The following CD86 variants were observed in gnomAD, a reference collection of about 807,000 sequenced individuals.
CD86 encodes the protein T-lymphocyte activation antigen CD86.
Under a neutral mutation model 32.1 loss-of-function variants are expected in CD86, and 11 were observed. The observed-to-expected ratio is 0.34, with a 90% CI of 0.22 to 0.57. The LOEUF (loss-of-function observed/expected upper bound fraction) is 0.57, where lower values mean the gene tolerates loss of function less well. Ranked by LOEUF, CD86 falls within the 20% of genes least tolerant of loss-of-function variation. CD86 has a pLI of 0.86. For missense variants in CD86, 359 were observed against 398.4 expected (o/e 0.90, Z 0.84); for synonymous variants, 137 against 135.3 (o/e 1.01, Z -0.09).
intron 1 of CD86, among the ~76,000 whole-genome samples, chr3:122,086,159 G>C (rs567001876): frequency 6.6e-6 from 1 of 152,234 alleles, no homozygotes; most frequent in South Asian, 2.1e-4. Flanking sequence ...TCAATCTCTA[G>C]AACAAGTCTG....
chr3:122,080,511 T>C (rs2072618536), intron 1 of CD86, among the ~76,000 whole-genome samples: 2 of 152,148 alleles, frequency 1.3e-5, no homozygotes, highest in South Asian at 4.1e-4. Context: ...TTCAGTTGCC[T>C]ACAATATTGG....
chr3:122,060,656 C>T (rs1485589845), intron 1 of CD86, among the ~76,000 whole-genome samples: 1 of 152,140 alleles, frequency 6.6e-6, no homozygotes, highest in East Asian at 1.9e-4. Context: ...AAAAAAAAGG[C>T]TAACCAAAAA....
intron 1 of CD86, among the ~76,000 whole-genome samples, chr3:122,086,243 T>A (rs1253546661): frequency 1.3e-5 from 2 of 152,136 alleles, no homozygotes; most frequent in Non-Finnish European, 2.9e-5. Context: ...ACCAGCAAAC[T>A]TCTCAGCATT....
intron 1 of CD86, among the ~76,000 whole-genome samples, chr3:122,071,470 A>G (rs2072487824): frequency 6.6e-6 from 1 of 152,144 alleles, no homozygotes. Flanking sequence ...GCTCATTTCT[A>G]TTTATTACCA....
intron 1 of CD86, among the ~76,000 whole-genome samples, chr3:122,075,426 C>A (rs935139208): frequency 1.3e-5 from 2 of 152,150 alleles, no homozygotes; most frequent in African/African-American, 4.8e-5. Context: ...TCTGGTAGTT[C>A]TAGAAAACAG....
chr3:122,064,226 A>AG (rs1256289445), intron 1 of CD86, among the ~76,000 whole-genome samples: 1 of 151,486 alleles, frequency 6.6e-6, no homozygotes, highest in African/African-American at 2.4e-5. Context: ...TGCTGGAGCA[A>AG]GGGGGAGCAC....
chr3:122,080,206 T>A (rs2072611932), intron 1 of CD86, among the ~76,000 whole-genome samples: 1 of 152,158 alleles, frequency 6.6e-6, no homozygotes, highest in South Asian at 2.1e-4. Flanking sequence ...ATGAGCCTCA[T>A]ACCTGACAGT....
At chr3:122,097,346 A>G (rs758682009) in intron 2 of CD86, among the ~76,000 whole-genome samples, 1 of 152,252 alleles carries the variant, frequency 6.6e-6, no homozygotes, top group Non-Finnish European at 1.5e-5. Flanking sequence ...GGGAGATGTC[A>G]GGTGCTCAGC....
chr3:122,089,007 G>A (rs990795521), intron 1 of CD86, among the ~76,000 whole-genome samples: 4 of 152,120 alleles, frequency 2.6e-5, no homozygotes, highest in African/African-American at 7.2e-5. Flanking sequence ...TAGAAAGAAA[G>A]GAAATTCAAA....
intron 1 of CD86, among the ~76,000 whole-genome samples, chr3:122,078,865 G>A (rs1576765153): frequency 1.3e-5 from 2 of 152,308 alleles, no homozygotes; most frequent in East Asian, 1.9e-4. Flanking sequence ...TCAATCTTGG[G>A]ACTAAGGCCC....
intron 2 of CD86, among the ~76,000 whole-genome samples, chr3:122,101,508 AAAAAAATATAT>A (rs1385792488): frequency 0.024 from 964 of 40,358 alleles, 6 homozygotes; most frequent in African/African-American, 0.048. Flanking sequence ...AAAAAAAAAA[AAAAAAATATAT>A]ATATATATAT....
chr3:122,114,813 A>G (rs922303954), intron 5 of CD86, among the ~76,000 whole-genome samples: 1 of 152,232 alleles, frequency 6.6e-6, no homozygotes, highest in Admixed American at 6.5e-5. Flanking sequence ...ATACCCATTC[A>G]TAGTTTTAAA....
At chr3:122,063,051 T>A (rs776840923) in intron 1 of CD86, among the ~76,000 whole-genome samples, 2 of 152,180 alleles carry the variant, frequency 1.3e-5, no homozygotes, top group Non-Finnish European at 2.9e-5. Flanking sequence ...CTAAAATAAA[T>A]TTTATGTAAG....
At chr3:122,091,943 G>A in intron 2 of CD86, 1 of 336,598 alleles carries the variant, frequency 3.0e-6, no homozygotes, top group East Asian at 5.1e-5. Flanking sequence ...CATCCCATGG[G>A]GATGGGGGAA....
At chr3:122,108,504 T>C (rs2073124780) in intron 4 of CD86, among the ~76,000 whole-genome samples, 2 of 152,162 alleles carry the variant, frequency 1.3e-5, no homozygotes, top group South Asian at 4.1e-4. Flanking sequence ...GTCCTAATTT[T>C]CCTGAAATTT....
intron 1 of CD86, among the ~76,000 whole-genome samples, chr3:122,088,561 G>A (rs566056316): frequency 5.1e-4 from 78 of 152,282 alleles, no homozygotes; most frequent in Middle Eastern, 3.4e-3. Context: ...TTGAGCCAAA[G>A]CTGACACCAC....
intron 1 of CD86, among the ~76,000 whole-genome samples, chr3:122,065,061 G>C (rs1200973893): frequency 6.6e-6 from 1 of 152,104 alleles, no homozygotes; most frequent in African/African-American, 2.4e-5. Flanking sequence ...AACTGCAGGA[G>C]GTAAGTAGTA....
At position 122,065,088 on chromosome 3, in the gene CD86, A is replaced by G. The variant is rs560033596; in HGVS notation, c.14+9585A>G. Among the ~76,000 whole-genome samples the G allele has an allele frequency of 1.3e-3, 202 of 152,298 alleles. 5 individuals carry two copies. The South Asian group carries it at 0.037, about 28-fold the overall frequency. ...TAAGTAGTATTATCCCTGATTTTCC[A>G]TAAGTGAAAACTGAGTCTCTCTTAG... On this transcript the variant is annotated intron_variant, in intron 1 of 6. Coordinates refer to ENST00000330540, the MANE Select transcript of CD86 (RefSeq NM_175862.5).
chr3:122,089,730 A>G (rs1025625326), intron 1 of CD86, among the ~76,000 whole-genome samples: 1 of 152,254 alleles, frequency 6.6e-6, no homozygotes, highest in African/African-American at 2.4e-5. Context: ...GTGATATGGC[A>G]TATAATCAAG....
Sources: allele counts gnomAD v4.1 joint callset (sites outside exome capture counted in the v4.1 genomes callset), GRCh38; gene constraint gnomAD v4.1.1; transcripts MANE v1.5; gene names NCBI Gene and HGNC (gene_info 2026-07-23, HGNC 2026-07-21).